SYT9: variants seen among roughly 807,000 people sequenced by gnomAD.
SYT9 encodes the protein synaptotagmin-9.
A neutral mutation model predicts 48.4 loss-of-function variants in SYT9; 22 were observed. That is an observed-to-expected ratio of 0.45 (90% CI 0.32 to 0.65). The LOEUF (loss-of-function observed/expected upper bound fraction) is 0.65, where lower values mean the gene tolerates loss of function less well. SYT9 is among the 30% of genes least tolerant of loss of function. SYT9 has a pLI of 0.03. For synonymous variants in SYT9, 265 were observed against 245.0 expected (o/e 1.08, Z -0.76); for missense variants, 577 against 622.0 (o/e 0.93, Z 0.77).
intron 3 of SYT9, among the ~76,000 whole-genome samples, chr11:7,329,762 T>G (rs1009273058): frequency 3.3e-5 from 5 of 152,320 alleles, no homozygotes; most frequent in Admixed American, 2.0e-4. Flanking sequence ...TTAAGTTAGC[T>G]GTGGCATTTG....
At chr11:7,395,195 C>T (rs748066156) in intron 3 of SYT9, among the ~76,000 whole-genome samples, 1 of 152,056 alleles carries the variant, frequency 6.6e-6, no homozygotes. Context: ...TTTTATTCCA[C>T]TGTGGTCTGA....
intron 1 of SYT9, among the ~76,000 whole-genome samples, chr11:7,256,368 C>G (rs942418563): frequency 6.6e-6 from 1 of 152,138 alleles, no homozygotes; most frequent in African/African-American, 2.4e-5. Flanking sequence ...GAATATGAAT[C>G]TGTATATTAA....
chr11:7,467,103 G>A lies in SYT9; in HGVS notation c.*303G>A. 1 of 390,344 alleles carries A rather than the reference G, an allele frequency of 2.6e-6. No homozygotes were observed. 24.2% of individuals were successfully genotyped at this position (390,344 alleles called of 1,614,324 possible). On this transcript the variant is annotated 3_prime_UTR_variant, in exon 7 of 7. Transcript: ENST00000318881. ...TATAGTGACAGTACCAAGAGTACCA[G>A]GACTCAATGTTTCATATGAAGCCCT...
chr11:7,316,409 C>G (rs1440189168), intron 3 of SYT9, among the ~76,000 whole-genome samples: 1 of 152,002 alleles, frequency 6.6e-6, no homozygotes, highest in Non-Finnish European at 1.5e-5. Context: ...TCTTCTTTGA[C>G]TAGCTTTTTT....
At chr11:7,239,629 A>T (rs867436790) in intron 1 of SYT9, among the ~76,000 whole-genome samples, 1 of 152,198 alleles carries the variant, frequency 6.6e-6, no homozygotes, top group Admixed American at 6.5e-5. Flanking sequence ...CTGAGTAAGC[A>T]ACCAATACAG....
intron 3 of SYT9, among the ~76,000 whole-genome samples, chr11:7,319,379 T>C (rs980827030): frequency 1.3e-5 from 2 of 151,332 alleles, no homozygotes; most frequent in African/African-American, 4.8e-5. Context: ...CTGAGTTACT[T>C]TGATTTTGCC....
chr11:7,300,642 A>T (rs1033384815), intron 1 of SYT9, among the ~76,000 whole-genome samples: 7 of 152,202 alleles, frequency 4.6e-5, no homozygotes, highest in Non-Finnish European at 1.0e-4. Context: ...TGTAGAGAAG[A>T]AGTTTTGTCT....
At chr11:7,432,585 ATATATACATATATATATATATATAT>A (rs1847623415) in intron 6 of SYT9, among the ~76,000 whole-genome samples, 2 of 2,656 alleles carry the variant, frequency 7.5e-4, no homozygotes, top group Non-Finnish European at 7.1e-4. Flanking sequence ...AAAAAAAAAT[ATATATACATATATATATATATATAT>A]ATATATATAT....
chr11:7,286,822 A>C (rs1848603684), intron 1 of SYT9, among the ~76,000 whole-genome samples: 1 of 152,112 alleles, frequency 6.6e-6, no homozygotes, highest in African/African-American at 2.4e-5. Context: ...CCCCGTCTCT[A>C]TCTAAGACCA....
intron 3 of SYT9, among the ~76,000 whole-genome samples, chr11:7,319,177 T>TTTC (rs61692637): frequency 7.7e-6 from 1 of 130,150 alleles, no homozygotes; most frequent in Non-Finnish European, 1.6e-5. Flanking sequence ...TTTTTTTTTT[T>TTTC]CTTTTCTTCT....
In SYT9 at chr11:7,445,662, A is replaced by G. The variant is rs544644720; in HGVS notation, c.1468-21130A>G. Among the ~76,000 whole-genome samples the G allele has an allele frequency of 1.3e-3, 201 of 152,044 alleles. 1 individual carries two copies. The highest frequency in any genetic ancestry group is 6.3e-3 in the Middle Eastern group (2 of 316). On this transcript the variant is annotated intron_variant, in intron 6 of 6. Transcript: ENST00000318881. ...ATGCCTCAAGTTTCTGACCTAAGTCACTTTTTGTTTTTTTCTACACCACAC... is the reference window on the plus strand; with the variant it reads ...ATGCCTCAAGTTTCTGACCTAAGTCGCTTTTTGTTTTTTTCTACACCACAC...
intron 6 of SYT9, among the ~76,000 whole-genome samples, chr11:7,446,881 A>G (rs925373870): frequency 1.3e-5 from 2 of 152,190 alleles, no homozygotes; most frequent in African/African-American, 4.8e-5. Flanking sequence ...TGAATCATGA[A>G]TGATCCACTG....
intron 3 of SYT9, among the ~76,000 whole-genome samples, chr11:7,355,393 A>G (rs1175389233): frequency 1.3e-5 from 2 of 152,240 alleles, no homozygotes; most frequent in African/African-American, 4.8e-5. Flanking sequence ...TGTTTACCAC[A>G]ACACAAAATA....
At chr11:7,254,396 A>G (rs1847928572) in intron 1 of SYT9, among the ~76,000 whole-genome samples, 2 of 152,064 alleles carry the variant, frequency 1.3e-5, no homozygotes, top group African/African-American at 4.8e-5. Context: ...CCTTCAGGAC[A>G]CTTCTCCCTT....
intron 3 of SYT9, among the ~76,000 whole-genome samples, chr11:7,322,705 A>G (rs1849358904): frequency 6.6e-6 from 1 of 152,174 alleles, no homozygotes; most frequent in African/African-American, 2.4e-5. Context: ...GATATGAACC[A>G]CCAATATATT....
chr11:7,446,710 C>A (rs1337488445), intron 6 of SYT9, among the ~76,000 whole-genome samples: 1 of 152,218 alleles, frequency 6.6e-6, no homozygotes, highest in Non-Finnish European at 1.5e-5. Flanking sequence ...GGGATGCCCA[C>A]AAGCTCCCTC....
chr11:7,379,940 G>C (rs997047868), intron 3 of SYT9, among the ~76,000 whole-genome samples: 1 of 152,226 alleles, frequency 6.6e-6, no homozygotes, highest in African/African-American at 2.4e-5. Flanking sequence ...CCACTGCTGG[G>C]TATATACCCA....
At chr11:7,346,807 AC>A in intron 3 of SYT9, among the ~76,000 whole-genome samples, 1 of 152,332 alleles carries the variant, frequency 6.6e-6, no homozygotes, top group South Asian at 2.1e-4. Context: ...ATACAAAGTC[AC>A]CTATAGTCCC....
intron 3 of SYT9, among the ~76,000 whole-genome samples, chr11:7,363,328 A>C (rs981401638): frequency 6.6e-6 from 1 of 152,188 alleles, no homozygotes; most frequent in South Asian, 2.1e-4. Context: ...CCAAGACCTC[A>C]TGAAAGGAAA....
Sources: gnomAD v4.1 joint callset for allele counts (sites outside exome capture counted in the v4.1 genomes callset) on GRCh38, gnomAD v4.1.1 for gene constraint, MANE v1.5 for transcripts, NCBI Gene and HGNC (gene_info 2026-07-23, HGNC 2026-07-21) for gene names.